The following GCN1 variants were observed in gnomAD, a reference collection of about 807,000 sequenced individuals.
The protein encoded by GCN1 is stalled ribosome sensor GCN1.
Under a neutral mutation model 288.4 loss-of-function variants are expected in GCN1, and 90 were observed. The ratio of observed to expected loss-of-function variants is 0.31; its 90% CI spans 0.26 to 0.37. The LOEUF (loss-of-function observed/expected upper bound fraction) is 0.37. GCN1 is among the 10% of genes least tolerant of loss of function. The pLI is 1.00. For missense variants in GCN1, 2,586 were observed against 3,419.9 expected, an observed-to-expected ratio of 0.76 and a Z score of 6.08; for synonymous variants, 1,386 against 1,420.2, an observed-to-expected ratio of 0.98 and a Z score of 0.54.
intron 37 of GCN1, among the ~76,000 whole-genome samples, chr12:120,147,854 C>T (rs1419312836): frequency 6.6e-6 from 1 of 152,062 alleles, no homozygotes; most frequent in African/African-American, 2.4e-5. Context: ...CTTCCTTAAC[C>T]CTCCCCTCTA....
intron 5 of GCN1, among the ~76,000 whole-genome samples, chr12:120,179,904 T>C (rs980687316): frequency 2.0e-5 from 3 of 152,208 alleles, no homozygotes; most frequent in African/African-American, 4.8e-5. Flanking sequence ...GCAGGCTCTA[T>C]GCTGAGCACT....
intron 33 of GCN1, among the ~76,000 whole-genome samples, chr12:120,152,389 GCACACA>G (rs59756164): frequency 1.5e-4 from 17 of 116,586 alleles, no homozygotes; most frequent in South Asian, 5.8e-4. Context: ...ACACACACGC[GCACACA>G]CACACACACA....
In GCN1 at chr12:120,174,147, G is replaced by T. The variant is rs758911718; in HGVS notation, c.1116C>A (p.His372Gln). 6.3e-7 allele frequency: 1 copy of T among 1,599,088 alleles called. No homozygotes were observed. The highest frequency in any genetic ancestry group is 2.2e-5 in the East Asian group (1 of 44,832). ...VLSGIGSVSHHVVSGPSSQVL... is the reference protein window; with the variant it reads ...VLSGIGSVSHQVVSGPSSQVL... ...CCTGACTGGAAGGTCCAGACACCAC[G>T]TGATGACTGACGCTCCCAATCCCTA... The change falls in exon 13 of 58, where the codon CAC (histidine) becomes CAA (glutamine). Residue 372 changes from histidine to glutamine, a missense_variant. His to Gln is a conservative substitution (Grantham distance 24, BLOSUM62 0). Around this residue, in one of 8 missense-constraint regions of GCN1, gnomAD observed 913 missense variants for 1,107.0 expected, o/e 0.82. Transcript: ENST00000300648.
intron 1 of GCN1, 127 bp downstream of exon 1, chr12:120,194,553 C>T (rs1228119914): frequency 5.4e-6 from 5 of 925,338 alleles, no homozygotes; most frequent in Non-Finnish European, 8.0e-6. Context: ...GAGACGGCCC[C>T]GAGACTACGA....
intron 55 of GCN1, 110 bp downstream of exon 55, chr12:120,131,075 T>C: frequency 2.1e-6 from 2 of 951,494 alleles, no homozygotes; most frequent in Middle Eastern, 2.2e-4. Context: ...AAAGGTAAAA[T>C]TAGACCCAAG....
chr12:120,178,325 T>C (rs1363877354), intron 7 of GCN1, among the ~76,000 whole-genome samples: 2 of 152,206 alleles, frequency 1.3e-5, no homozygotes, highest in East Asian at 1.9e-4. Flanking sequence ...TACTCGCTGG[T>C]GTACCCCCAA....
In GCN1 at chr12:120,142,122, C is replaced by G. The variant is rs145692545; in HGVS notation, c.5829+385G>C. On this transcript the variant is annotated intron_variant, in intron 44 of 57. Coordinates refer to ENST00000300648, the MANE Select transcript of GCN1 (RefSeq NM_006836.2). The surrounding 1 kb of genome is among the most constrained non-coding windows in gnomAD (Gnocchi z 4.9). Reference sequence around the variant, plus strand: ...CGGGCGCATCACGAGGTCAGGAGATCGAGACCGTCCTGGCTAACGTGCTGA... The same window carrying G: ...CGGGCGCATCACGAGGTCAGGAGATGGAGACCGTCCTGGCTAACGTGCTGA... 4.1e-3 allele frequency among the ~76,000 whole-genome samples: 628 copies of G among 152,118 alleles called. 4 individuals are homozygous for G. The highest frequency in any genetic ancestry group is 0.014 in the African/African-American group (581 of 41,478).
At chr12:120,192,798 A>G (rs566752929) in intron 1 of GCN1, among the ~76,000 whole-genome samples, 2 of 151,396 alleles carry the variant, frequency 1.3e-5, no homozygotes, top group South Asian at 4.2e-4. Context: ...TAATCCCAGC[A>G]CTTTGGGAGA....
rs117081256 is a variant in GCN1, at chr12:120,173,663, G to A, written c.1356C>T (p.Ala452=). The change falls in exon 14 of 58, where the codon GCC becomes GCT. Residue 452 remains alanine (A), a synonymous_variant. Coordinates refer to ENST00000300648, the MANE Select transcript of GCN1 (RefSeq NM_006836.2). ...VRHAYLQCML[A]SYRGDTLLQA... ...TGGGAGTTGTCTTACCCCGGTAAGA[G>A]GCCAACATGCACTGCAGGTAGGCAT... 2.5e-4 allele frequency: 408 copies of A among 1,606,094 alleles called. 2 individuals are homozygous for A. In the East Asian group the frequency reaches 8.1e-3, roughly 32 times the overall value.
Position 120,134,190 on chromosome 12 carries a change from C to T in GCN1, c.7317+101G>A. 1.4e-6 allele frequency: 1 copy of T among 731,998 alleles called. No individual in the cohort carries two copies. Among genetic ancestry groups the T allele is most frequent in the Non-Finnish European group, 2.4e-6 (1 of 414,318 alleles). The allele number at this position is 731,998 out of a possible 1,614,324, so 45.3% of individuals were successfully genotyped here. A position where few individuals can be genotyped will look rare whatever the true frequency, so the allele number is the denominator to read the frequency against. On this transcript the variant is annotated intron_variant, in intron 53 of 57. Coordinates refer to ENST00000300648, the MANE Select transcript of GCN1 (RefSeq NM_006836.2). This position sits in a 1 kb window ranked among gnomAD's most constrained non-coding sequence, Gnocchi z 5.0. ...GAAATGTCAGGAATGCTTATTACTA[C>T]TGAGCTGTACTGGTTCTAACACAAA...
At chr12:120,159,316 G>A (rs567829309) in intron 24 of GCN1, among the ~76,000 whole-genome samples, 5 of 152,266 alleles carry the variant, frequency 3.3e-5, no homozygotes, top group African/African-American at 7.2e-5. Flanking sequence ...AGCCTCACCC[G>A]TGGGAACATC....
chr12:120,165,153 T>C (rs941285953), intron 16 of GCN1, among the ~76,000 whole-genome samples: 2 of 151,860 alleles, frequency 1.3e-5, no homozygotes, highest in African/African-American at 4.8e-5. Flanking sequence ...TTCACACCAT[T>C]CTCCTGCCTC....
Position 120,156,975 on chromosome 12 carries a change from C to G in GCN1, c.3105G>C (p.Leu1035=), listed in dbSNP as rs1566307505. 1 of 1,612,728 alleles carries G rather than the reference C, an allele frequency of 6.2e-7. No individual in the cohort carries two copies. The highest frequency in any genetic ancestry group is 2.2e-5 in the East Asian group (1 of 44,866). Residue 1035 remains leucine, a synonymous_variant, in exon 27 of 58, where the codon CTG becomes CTC. Coordinates refer to ENST00000300648, the MANE Select transcript of GCN1 (RefSeq NM_006836.2). The surrounding 1 kb of genome is among the most constrained non-coding windows in gnomAD (Gnocchi z 5.8). The stretch of plus-strand genomic sequence containing the variant: ...GAAGACGCAGCATGGCCACGCGAGG[C>G]AGCAACTCCGGGCCATTCTAGGAGA... ...GRVDENGPEL[L]PRVAMLRLLT...
intron 2 of GCN1, among the ~76,000 whole-genome samples, chr12:120,188,774 G>A (rs7978061): frequency 0.2 from 29,689 of 150,750 alleles, 3,468 homozygotes; most frequent in East Asian, 0.55. Context: ...ATATGAACCC[G>A]GGAAGCAGAG....
chr12:120,191,983 G>T (rs1238030463), intron 1 of GCN1, among the ~76,000 whole-genome samples: 2 of 152,104 alleles, frequency 1.3e-5, no homozygotes, highest in Non-Finnish European at 2.9e-5. Context: ...GAAGTCCCCA[G>T]TTTCACATAC....
At position 120,153,718 on chromosome 12, in the gene GCN1, G is replaced by GTGTTCCC; in HGVS notation, c.3867+19_3867+25dup. The GTGTTCCC allele has an allele frequency of 1.2e-6, 2 of 1,609,020 alleles. No homozygotes were observed. Among genetic ancestry groups the GTGTTCCC allele is most frequent in the Non-Finnish European group, 1.7e-6 (2 of 1,176,470 alleles). ...CTGGGACCCCCTTACCTTCCCGTGG[G>GTGTTCCC]TGTTCCCTGGCTGGGACCCCCTTAC... On this transcript the variant is annotated intron_variant, in intron 32 of 57. Coordinates refer to ENST00000300648, the MANE Select transcript of GCN1 (RefSeq NM_006836.2). The surrounding 1 kb of genome is among the most constrained non-coding windows in gnomAD (Gnocchi z 4.4).
intron 35 of GCN1, 38 bp downstream of exon 35, chr12:120,149,884 G>C: frequency 6.2e-7 from 1 of 1,613,152 alleles, no homozygotes; most frequent in Non-Finnish European, 8.5e-7. Context: ...ATCTCATAAA[G>C]TTTCCATGCT....
chr12:120,185,430 T>G (rs566359656), intron 2 of GCN1, among the ~76,000 whole-genome samples: 30 of 152,236 alleles, frequency 2.0e-4, no homozygotes, highest in Non-Finnish European at 3.5e-4. Flanking sequence ...GGGAGATACA[T>G]GTAGAGTGCA....
chr12:120,177,307 C>T (rs1401538105), intron 9 of GCN1, 140 bp downstream of exon 9: 4 of 599,290 alleles, frequency 6.7e-6, no homozygotes, highest in East Asian at 5.6e-5. Context: ...CAATCTCTCT[C>T]CCAAGGTCCC....
Sources: gnomAD v4.1 joint callset for allele counts (sites outside exome capture counted in the v4.1 genomes callset) on GRCh38, gnomAD v4.1.1 for gene constraint, gnomAD v4.1.1 regional missense constraint, Gnocchi (gnomAD v3.1) non-coding constraint, MANE v1.5 for transcripts, NCBI Gene and HGNC (gene_info 2026-07-23, HGNC 2026-07-21) for gene names.